Variants in VPS41 observed in about 807,000 individuals in gnomAD.
VPS41 encodes the protein vacuolar protein sorting-associated protein 41 homolog.
A neutral mutation model predicts 130.9 loss-of-function variants in VPS41; 85 were observed. That is an observed-to-expected ratio of 0.65 (90% CI 0.55 to 0.78). The LOEUF is 0.78. VPS41 is among the 30% of genes least tolerant of loss of function. The probability of loss-of-function intolerance (pLI) is 0.00; values close to 1 mark genes in which losing one functional copy is unlikely to be tolerated. For missense variants in VPS41, 874 were observed against 1,018.7 expected, an observed-to-expected ratio of 0.86 and a Z score of 1.93; for synonymous variants, 335 against 332.9, an observed-to-expected ratio of 1.01 and a Z score of -0.07.
rs1009960513 is a variant in VPS41, at chr7:38,819,777, A to G, written c.384+1426T>C. Among the ~76,000 whole-genome samples, 11 of 152,074 alleles carry G rather than the reference A, an allele frequency of 7.2e-5. No homozygotes were observed. In the South Asian group the frequency reaches 1.5e-3, roughly 20 times the overall value. On this transcript the variant is annotated intron_variant, in intron 6 of 28. Coordinates refer to ENST00000310301, the MANE Select transcript of VPS41 (RefSeq NM_014396.4). ...ACTCCTTTGCTGTTTTTTCTTCCAC[A>G]GCCTGAGTATTCAAGTTAGAGTGTT...
At chr7:38,852,010 G>A (rs953025001) in intron 4 of VPS41, among the ~76,000 whole-genome samples, 12 of 152,018 alleles carry the variant, frequency 7.9e-5, no homozygotes, top group Non-Finnish European at 1.2e-4. Flanking sequence ...ATAAAGACTG[G>A]GCAACCAAAT....
At chr7:38,822,196 CTG>C (rs10530765) in intron 5 of VPS41, among the ~76,000 whole-genome samples, 90,419 of 151,712 alleles carry the variant, frequency 0.6, 27,628 homozygotes, top group East Asian at 0.89. Flanking sequence ...AAAAACAAAA[CTG>C]AAATATAAAA....
intron 22 of VPS41, among the ~76,000 whole-genome samples, chr7:38,747,672 C>A (rs1047452749): frequency 6.6e-6 from 1 of 152,196 alleles, no homozygotes; most frequent in Non-Finnish European, 1.5e-5. Context: ...CAGCCACTTG[C>A]TCTATGTGTC....
At chr7:38,872,534 G>A (rs190732873) in intron 2 of VPS41, among the ~76,000 whole-genome samples, 53 of 152,124 alleles carry the variant, frequency 3.5e-4, no homozygotes, top group Non-Finnish European at 5.0e-4. Flanking sequence ...TGTTTATTTC[G>A]GATGCAAGTA....
Position 38,756,828 on chromosome 7 carries a change from A to C in VPS41, c.1695+10T>G, listed in dbSNP as rs764449926. 3 of 1,506,270 alleles carry C rather than the reference A, an allele frequency of 2.0e-6. No individual in the cohort carries two copies. Among genetic ancestry groups the C allele is most frequent in the Non-Finnish European group, 2.7e-6 (3 of 1,104,880 alleles). 93.3% of individuals were successfully genotyped at this position (1,506,270 alleles called of 1,614,324 possible). A position where few individuals can be genotyped will look rare whatever the true frequency, so the allele number is the denominator to read the frequency against. On this transcript the variant is annotated intron_variant, in intron 19 of 28. Coordinates refer to ENST00000310301, the MANE Select transcript of VPS41 (RefSeq NM_014396.4). ...AATAATTGACAGTACTAAAATAAAAAGCACATTACCTCTGAATCAAAATCC... is the reference window on the plus strand; with the variant it reads ...AATAATTGACAGTACTAAAATAAAACGCACATTACCTCTGAATCAAAATCC...
chr7:38,861,381 T>C (rs1384060049), intron 4 of VPS41, among the ~76,000 whole-genome samples: 1 of 152,170 alleles, frequency 6.6e-6, no homozygotes, highest in African/African-American at 2.4e-5. Flanking sequence ...CACATTTTAA[T>C]GGATGGCAAC....
At chr7:38,859,766 G>A (rs1786064174) in intron 4 of VPS41, among the ~76,000 whole-genome samples, 1 of 152,152 alleles carries the variant, frequency 6.6e-6, no homozygotes, top group Admixed American at 6.6e-5. Flanking sequence ...ATTATACTAT[G>A]ATTAATGTGG....
At chr7:38,896,036 A>G (rs1313927296) in intron 2 of VPS41, among the ~76,000 whole-genome samples, 1 of 152,128 alleles carries the variant, frequency 6.6e-6, no homozygotes. Context: ...TCCCACTTGC[A>G]CTGAAGTTTG....
chr7:38,871,897 G>A (rs1030094526), intron 2 of VPS41, among the ~76,000 whole-genome samples: 1 of 152,158 alleles, frequency 6.6e-6, no homozygotes. Context: ...ATAGGTTCAA[G>A]AAATCTTCTC....
rs184453454 is a variant in VPS41 at position 38,794,356 on chromosome 7, A to G, written c.717+1109T>C. On this transcript the variant is annotated intron_variant, in intron 9 of 28. Coordinates refer to ENST00000310301, the MANE Select transcript of VPS41 (RefSeq NM_014396.4). Reference sequence around the variant, plus strand: ...AGAAAAAAGAACCTGAATGATAACAACATGAGGGCTGGGAGGGCCTGAAGT... The same window carrying G: ...AGAAAAAAGAACCTGAATGATAACAGCATGAGGGCTGGGAGGGCCTGAAGT... Among the ~76,000 whole-genome samples the G allele has an allele frequency of 3.1e-4, 47 of 152,326 alleles. No homozygotes were observed. The East Asian group carries it at 7.7e-3, about 25-fold the overall frequency.
intron 2 of VPS41, among the ~76,000 whole-genome samples, chr7:38,872,537 T>C (rs894729542): frequency 6.6e-6 from 1 of 152,196 alleles, no homozygotes; most frequent in Non-Finnish European, 1.5e-5. Context: ...TTATTTCGGA[T>C]GCAAGTATTA....
chr7:38,853,699 A>C (rs1245313369), intron 4 of VPS41, among the ~76,000 whole-genome samples: 1 of 152,238 alleles, frequency 6.6e-6, no homozygotes, highest in Non-Finnish European at 1.5e-5. Flanking sequence ...CAGACAACTA[A>C]GCCCCAGTCT....
At chr7:38,850,116 A>C (rs554423696) in intron 4 of VPS41, among the ~76,000 whole-genome samples, 19 of 152,376 alleles carry the variant, frequency 1.2e-4, no homozygotes, top group Non-Finnish European at 2.6e-4. Flanking sequence ...TCAAATAAGA[A>C]GTTGTGTCCA....
chr7:38,860,743 G>GTGTGTGTGT (rs1190552274), intron 4 of VPS41, among the ~76,000 whole-genome samples: 1 of 131,162 alleles, frequency 7.6e-6, no homozygotes, highest in African/African-American at 2.8e-5. Context: ...GTGTGTGTGT[G>GTGTGTGTGT]GACATACGCA....
chr7:38,789,362 G>A (rs972943384), intron 10 of VPS41, among the ~76,000 whole-genome samples: 6 of 152,094 alleles, frequency 3.9e-5, no homozygotes, highest in Non-Finnish European at 8.8e-5. Flanking sequence ...ACTCAGTCAG[G>A]GAGGTCCAGT....
intron 18 of VPS41, among the ~76,000 whole-genome samples, chr7:38,757,994 GATTAA>G (rs1562574537): frequency 2.0e-5 from 3 of 152,162 alleles, no homozygotes; most frequent in African/African-American, 7.2e-5. Flanking sequence ...ACATTTGAGA[GATTAA>G]ATTAACTGAC....
intron 7 of VPS41, among the ~76,000 whole-genome samples, chr7:38,809,686 T>C (rs1784906076): frequency 6.6e-6 from 1 of 152,130 alleles, no homozygotes; most frequent in South Asian, 2.1e-4. Context: ...GACTGACATT[T>C]TCCAGCTTAC....
At chr7:38,791,640 G>C (rs2115957478) in intron 9 of VPS41, among the ~76,000 whole-genome samples, 1 of 152,198 alleles carries the variant, frequency 6.6e-6, no homozygotes, top group Admixed American at 6.5e-5. Context: ...TGACAGCATA[G>C]GGCCTTCAAC....
chr7:38,750,315 C>T (rs1796066944), intron 22 of VPS41, among the ~76,000 whole-genome samples: 2 of 152,250 alleles, frequency 1.3e-5, no homozygotes, highest in Admixed American at 1.3e-4. Context: ...TCCTGACAAA[C>T]AGATAATCTC....
Sources: gnomAD v4.1 joint callset for allele counts (sites outside exome capture counted in the v4.1 genomes callset) on GRCh38, gnomAD v4.1.1 for gene constraint, MANE v1.5 for transcripts, NCBI Gene and HGNC (gene_info 2026-07-23, HGNC 2026-07-21) for gene names.